Variants in CFAP251 observed in about 807,000 individuals in gnomAD.
The protein encoded by CFAP251 is cilia and flagella associated protein 251.
CFAP251 carries 93 observed loss-of-function variants against 126.7 expected under a neutral mutation model. The observed-to-expected ratio is 0.73, with a 90% CI of 0.62 to 0.87. The LOEUF (loss-of-function observed/expected upper bound fraction) is 0.87, where lower values mean the gene tolerates loss of function less well. CFAP251 is among the 40% of genes least tolerant of loss of function. CFAP251 has a pLI of 0.00. For missense variants in CFAP251, 1,287 were observed against 1,389.2 expected (o/e 0.93, Z 1.17); for synonymous variants, 503 against 506.9 (o/e 0.99, Z 0.10).
chr12:121,952,493 C>T (rs1016357853), intron 9 of CFAP251, among the ~76,000 whole-genome samples: 2 of 151,572 alleles, frequency 1.3e-5, no homozygotes, highest in East Asian at 3.9e-4. Flanking sequence ...TAAAGCTGCT[C>T]AGTTTCAGAA....
rs1054383220 is a variant in CFAP251 at position 121,967,509 on chromosome 12, T to C, written c.2607+440T>C. 7.9e-5 allele frequency among the ~76,000 whole-genome samples: 12 copies of C among 152,286 alleles called. No homozygotes were observed. In the South Asian group the frequency reaches 8.3e-4, roughly 11 times the overall value. ...CGAGGTCAGGAGATGGAGACCATCC[T>C]GGCTAACACGGTGAAACCCCGTCTC... On this transcript the variant is annotated intron_variant, in intron 16 of 21. Coordinates refer to ENST00000288912, the MANE Select transcript of CFAP251 (RefSeq NM_144668.6).
intron 17 of CFAP251, chr12:121,969,102 G>C: frequency 1.0e-6 from 1 of 985,394 alleles, no homozygotes; most frequent in African/African-American, 1.7e-5. Flanking sequence ...AAACAGCTCA[G>C]AGGCACCTTC....
At chr12:121,928,626 G>GTGTGTATATATATATA (rs148145141) in intron 3 of CFAP251, among the ~76,000 whole-genome samples, 33 of 43,190 alleles carry the variant, frequency 7.6e-4, no homozygotes, top group African/African-American at 2.9e-3. Flanking sequence ...ATGTATATGT[G>GTGTGTATATATATATA]TATATATATA....
intron 11 of CFAP251, 53 bp downstream of exon 11, chr12:121,957,321 T>G: frequency 6.5e-7 from 1 of 1,531,018 alleles, no homozygotes; most frequent in South Asian, 1.3e-5. Context: ...GATCACTGTC[T>G]TCTTTAGTTT....
In CFAP251 at chr12:121,989,291, G is replaced by A. The variant is rs1647607610; in HGVS notation, c.3007-10425G>A. On this transcript the variant is annotated intron_variant, in intron 19 of 21. Coordinates refer to ENST00000288912, the MANE Select transcript of CFAP251 (RefSeq NM_144668.6). This position sits in a 1 kb window ranked among gnomAD's most constrained non-coding sequence, Gnocchi z 4.2. ...GGCAGGGTGACAGTCACTCTAAAGG[G>A]CCCTGTGAATGGGTGTTGTTCACAT... Among the ~76,000 whole-genome samples, 1 of 152,214 alleles carries A rather than the reference G, an allele frequency of 6.6e-6. No homozygotes were observed. Among genetic ancestry groups the A allele is most frequent in the African/African-American group, 2.4e-5 (1 of 41,448 alleles).
chr12:121,947,159 A>T (rs1451658653), intron 7 of CFAP251, among the ~76,000 whole-genome samples: 1 of 152,008 alleles, frequency 6.6e-6, no homozygotes, highest in Non-Finnish European at 1.5e-5. Context: ...TTTCTGCTTC[A>T]GTCTGAATGT....
intron 7 of CFAP251, among the ~76,000 whole-genome samples, chr12:121,945,155 T>C (rs1190844594): frequency 6.6e-6 from 1 of 152,076 alleles, no homozygotes; most frequent in Non-Finnish European, 1.5e-5. Context: ...TTCCAAGACA[T>C]ATCCTGAAAT....
intron 19 of CFAP251, chr12:121,999,125 A>G (rs1247489374): frequency 6.6e-6 from 1 of 151,792 alleles, no homozygotes; most frequent in South Asian, 2.1e-4. Flanking sequence ...CTTTTTTTCT[A>G]TGTCTGTTTA....
chr12:121,969,447 G>A (rs1242827029), intron 17 of CFAP251: 2 of 985,308 alleles, frequency 2.0e-6, no homozygotes, highest in Non-Finnish European at 2.4e-6. Flanking sequence ...AACCATGGGG[G>A]CAAGCCACAC....
chr12:121,971,202 T>A (rs949654981), intron 17 of CFAP251, among the ~76,000 whole-genome samples: 1 of 152,210 alleles, frequency 6.6e-6, no homozygotes, highest in African/African-American at 2.4e-5. Flanking sequence ...GGGCCTGGCC[T>A]GGAGGCCACA....
intron 19 of CFAP251, among the ~76,000 whole-genome samples, chr12:121,995,118 A>G (rs1043153228): frequency 6.6e-6 from 1 of 152,198 alleles, no homozygotes; most frequent in African/African-American, 2.4e-5. Flanking sequence ...CTTTTTCAAG[A>G]TGAGGAAACT....
chr12:121,942,870 C>T (rs776085786), intron 6 of CFAP251, 25 bp from the exon 7 acceptor site: 1 of 1,612,722 alleles, frequency 6.2e-7, no homozygotes, highest in South Asian at 1.1e-5. Flanking sequence ...CCTTCTCATG[C>T]CCCTCTCTCT....
intron 17 of CFAP251, chr12:121,972,034 A>G (rs753766215): frequency 4.4e-5 from 10 of 224,994 alleles, no homozygotes; most frequent in African/African-American, 6.9e-5. Context: ...CCCCAGCCAC[A>G]TGAAACTGTA....
chr12:121,969,599 C>A, intron 17 of CFAP251: 1 of 787,586 alleles, frequency 1.3e-6, no homozygotes, highest in Non-Finnish European at 1.5e-6. Context: ...AATTCTCCTG[C>A]CTCAGCCTCC....
At position 121,962,862 on chromosome 12, in the gene CFAP251, G is replaced by A. The variant is rs557969202; in HGVS notation, c.2492+700G>A. Among the ~76,000 whole-genome samples the A allele has an allele frequency of 8.5e-5, 13 of 152,272 alleles. No homozygotes were observed. In the South Asian group the frequency reaches 2.7e-3, roughly 32 times the overall value. ...TGGAGGAAAGACAGTGGATCAGCAA[G>A]GGCCAATGAGTGAAGGTGGGAGGCG... On this transcript the variant is annotated intron_variant, in intron 15 of 21. Transcript: ENST00000288912.
chr12:121,959,018 C>CAG lies in CFAP251; in HGVS notation c.2060_2061dup (p.Pro688SerfsTer10). 1 of 1,613,288 alleles carries CAG rather than the reference C, an allele frequency of 6.2e-7. No individual in the cohort carries two copies. The highest frequency in any genetic ancestry group is 1.7e-5 in the Admixed American group (1 of 59,764). ...GCAATGTCTTTAGAAAATGAAAGCC[C>CAG]AGAGCCTTTCAAATATTCCAGAACC... On this transcript the variant is annotated frameshift_variant, in exon 13 of 22. Transcript: ENST00000288912. LOFTEE classifies it high-confidence loss of function.
intron 19 of CFAP251, among the ~76,000 whole-genome samples, chr12:121,995,499 C>G (rs1432530852): frequency 6.6e-6 from 1 of 152,096 alleles, no homozygotes; most frequent in Non-Finnish European, 1.5e-5. Flanking sequence ...TTTCAACATT[C>G]CTGGAATCTT....
chr12:121,986,773 GAA>G (rs77069413), intron 19 of CFAP251, among the ~76,000 whole-genome samples: 36 of 96,522 alleles, frequency 3.7e-4, no homozygotes, highest in African/African-American at 1.1e-3. Flanking sequence ...CAAAGAAAAA[GAA>G]AAAAAAAAAA....
chr12:121,956,658 A>G, intron 10 of CFAP251, among the ~76,000 whole-genome samples: 1 of 151,932 alleles, frequency 6.6e-6, no homozygotes, highest in East Asian at 1.9e-4. Context: ...ACCACACCTG[A>G]CTAATTTTTG....
Sources: gnomAD v4.1 joint callset for allele counts (sites outside exome capture counted in the v4.1 genomes callset) on GRCh38, gnomAD v4.1.1 for gene constraint, Gnocchi (gnomAD v3.1) non-coding constraint, MANE v1.5 for transcripts, NCBI Gene and HGNC (gene_info 2026-07-23, HGNC 2026-07-21) for gene names.